MAP2K1: variants seen among roughly 807,000 people sequenced by gnomAD.
MAP2K1 encodes the protein mitogen-activated protein kinase kinase 1, also known as dual specificity mitogen-activated protein kinase kinase 1.
In MAP2K1, 16 loss-of-function variants were observed where a neutral mutation model predicts 46.3. The ratio of observed to expected loss-of-function variants is 0.35; its 90% CI spans 0.23 to 0.52. MAP2K1 has a LOEUF of 0.52. MAP2K1 is among the 20% of genes least tolerant of loss of function. The probability of loss-of-function intolerance (pLI) is 0.94; values close to 1 mark genes in which losing one functional copy is unlikely to be tolerated. For synonymous variants in MAP2K1, 183 were observed against 185.6 expected, an observed-to-expected ratio of 0.99 and a Z score of 0.11; for missense variants, 263 against 497.1, an observed-to-expected ratio of 0.53 and a Z score of 4.48.
At chr15:66,460,939 A>C (rs972938829) in intron 5 of MAP2K1, among the ~76,000 whole-genome samples, 3 of 152,096 alleles carry the variant, frequency 2.0e-5, no homozygotes, top group Non-Finnish European at 4.4e-5. Context: ...CCTGAGGCCC[A>C]TGGCCGTGCT....
chr15:66,431,802 G>C (rs1312511407), intron 1 of MAP2K1, among the ~76,000 whole-genome samples: 1 of 152,132 alleles, frequency 6.6e-6, no homozygotes, highest in Non-Finnish European at 1.5e-5. Flanking sequence ...CCATCACCTA[G>C]GTTTTAAGGC....
chr15:66,410,659 A>G (rs904380497), intron 1 of MAP2K1, among the ~76,000 whole-genome samples: 3 of 152,188 alleles, frequency 2.0e-5, no homozygotes, highest in Non-Finnish European at 4.4e-5. Context: ...CCAGTATTCT[A>G]CATTCTCTTG....
At chr15:66,485,904 T>G (rs187019681) in intron 7 of MAP2K1, among the ~76,000 whole-genome samples, 80 of 152,186 alleles carry the variant, frequency 5.3e-4, no homozygotes, top group Admixed American at 4.6e-3. Flanking sequence ...TTTTTTTGTT[T>G]TGTTTTGTTT....
Position 66,491,541 on chromosome 15 carries a change from G to C in MAP2K1, c.*926G>C. 5.3e-6 allele frequency: 1 copy of C among 188,744 alleles called. No homozygotes were observed. Among genetic ancestry groups the C allele is most frequent in the Non-Finnish European group, 1.1e-5 (1 of 90,008 alleles). The allele number at this position is 188,744 out of a possible 1,614,324, so 11.7% of individuals were successfully genotyped here. A position where few individuals can be genotyped will look rare whatever the true frequency, so the allele number is the denominator to read the frequency against. ...ATGAAATAAAAAAAAAAGGATGAAA[G>C]CTACTTTTGCTTTTGTGGTAAGCTT... On this transcript the variant is annotated 3_prime_UTR_variant, in exon 11 of 11. Coordinates refer to ENST00000307102, the MANE Select transcript of MAP2K1 (RefSeq NM_002755.4).
In MAP2K1 at chr15:66,421,093, T is replaced by C. The variant is rs923722964; in HGVS notation, c.81-13934T>C. On this transcript the variant is annotated intron_variant, in intron 1 of 10. Transcript: ENST00000307102. ...ACACATATATACACATACACACACA[T>C]ACACACACACACACACACACACACA... Among the ~76,000 whole-genome samples, 200 of 128,842 alleles carry C rather than the reference T, an allele frequency of 1.6e-3. 1 individual carries two copies. The highest frequency in any genetic ancestry group is 5.5e-3 in the African/African-American group (187 of 34,026). The allele number at this position is 128,842 out of a possible 152,430, so 84.5% of individuals were successfully genotyped here.
At chr15:66,430,094 G>A (rs2093471483) in intron 1 of MAP2K1, among the ~76,000 whole-genome samples, 1 of 152,148 alleles carries the variant, frequency 6.6e-6, no homozygotes, top group African/African-American at 2.4e-5. Flanking sequence ...CTCACAGATG[G>A]GTAAATAGGG....
At chr15:66,436,951 C>T (rs988917157) in intron 3 of MAP2K1, 59 bp downstream of exon 3, 1 of 1,594,240 alleles carries the variant, frequency 6.3e-7, no homozygotes, top group Non-Finnish European at 8.6e-7. Context: ...TGGCTCTGGC[C>T]TAATCTTTGG....
In MAP2K1 at chr15:66,481,747, C is replaced by G. The variant is rs375614631; in HGVS notation, c.569-8C>G. Reference sequence around the variant, plus strand: ...GTTCCCTCCTTTTCTATTTTCTCTTCCCTGCAGATGTCAAGCCCTCCAACA... The same window carrying G: ...GTTCCCTCCTTTTCTATTTTCTCTTGCCTGCAGATGTCAAGCCCTCCAACA... On this transcript the variant is annotated splice_region_variant and splice_polypyrimidine_tract_variant and intron_variant, in intron 5 of 10. Coordinates refer to ENST00000307102, the MANE Select transcript of MAP2K1 (RefSeq NM_002755.4). 1 of 1,611,780 alleles carries G rather than the reference C, an allele frequency of 6.2e-7. No homozygotes were observed. Among genetic ancestry groups the G allele is most frequent in the African/African-American group, 1.3e-5 (1 of 74,838 alleles).
chr15:66,393,182 C>T (rs2093360593), intron 1 of MAP2K1, among the ~76,000 whole-genome samples: 1 of 144,086 alleles, frequency 6.9e-6, no homozygotes, highest in East Asian at 2.0e-4. Flanking sequence ...TTCTCTCTCT[C>T]TTTTTTTTTT....
At chr15:66,466,676 T>G (rs990109725) in intron 5 of MAP2K1, among the ~76,000 whole-genome samples, 11 of 151,896 alleles carry the variant, frequency 7.2e-5, no homozygotes, top group African/African-American at 2.7e-4. Flanking sequence ...CGAGACTGCA[T>G]CTCAAAAAAA....
At chr15:66,487,815 G>A (rs1467629791) in intron 8 of MAP2K1, among the ~76,000 whole-genome samples, 2 of 152,048 alleles carry the variant, frequency 1.3e-5, no homozygotes, top group East Asian at 1.9e-4. Flanking sequence ...CTCTACTGCT[G>A]GGGACCTAGG....
chr15:66,395,391 C>T (rs2093365028), intron 1 of MAP2K1, among the ~76,000 whole-genome samples: 1 of 152,142 alleles, frequency 6.6e-6, no homozygotes, highest in Admixed American at 6.5e-5. Context: ...GTTGGCCCTG[C>T]CTTGCCTATC....
Position 66,387,128 on chromosome 15 carries a change from C to T in MAP2K1, c.-220C>T, listed in dbSNP as rs886051365. On this transcript the variant is annotated 5_prime_UTR_variant, in exon 1 of 11. Coordinates refer to ENST00000307102, the MANE Select transcript of MAP2K1 (RefSeq NM_002755.4). ...TGCAGGGCAGCCTTTCGGCTCTCTG[C>T]GCGCGAAGCCGAGTCCCGGGCGGGT... The T allele has an allele frequency of 1.4e-5, 6 of 430,486 alleles. No individual in the cohort carries two copies. Among genetic ancestry groups the T allele is most frequent in the Middle Eastern group, 6.0e-4 (1 of 1,674 alleles). The allele number at this position is 430,486 out of a possible 1,614,324, so 26.7% of individuals were successfully genotyped here. A position where few individuals can be genotyped will look rare whatever the true frequency, so the allele number is the denominator to read the frequency against.
intron 5 of MAP2K1, among the ~76,000 whole-genome samples, chr15:66,456,779 A>G (rs991059856): frequency 2.6e-5 from 4 of 152,202 alleles, no homozygotes; most frequent in African/African-American, 4.8e-5. Context: ...GGTACAACAG[A>G]TGGCGCCTCT....
At chr15:66,449,509 G>A (rs1891976936) in intron 5 of MAP2K1, among the ~76,000 whole-genome samples, 1 of 152,204 alleles carries the variant, frequency 6.6e-6, no homozygotes. Flanking sequence ...TGGAGTAATA[G>A]AAACACTAAA....
In MAP2K1 at chr15:66,460,842, G is replaced by A. The variant is rs556883319; in HGVS notation, c.568+16135G>A. Among the ~76,000 whole-genome samples the A allele has an allele frequency of 5.9e-5, 9 of 152,238 alleles. No individual in the cohort carries two copies. The South Asian group carries it at 1.9e-3, about 32-fold the overall frequency. On this transcript the variant is annotated intron_variant, in intron 5 of 10. Transcript: ENST00000307102. ...CAGATGGGAGAGAGATGGTGCAAAG[G>A]GCAGGGACTGGTGTGGGAAGATGGG...
chr15:66,466,081 T>C (rs1439551171), intron 5 of MAP2K1, among the ~76,000 whole-genome samples: 1 of 152,174 alleles, frequency 6.6e-6, no homozygotes, highest in Non-Finnish European at 1.5e-5. Flanking sequence ...CAGGCCAAGA[T>C]CCCTGTACAG....
intron 5 of MAP2K1, among the ~76,000 whole-genome samples, chr15:66,463,503 C>T (rs532134361): frequency 2.0e-3 from 5 of 2,506 alleles, no homozygotes; most frequent in African/African-American, 4.0e-3. Context: ...ATTTTTGAAA[C>T]GGAGTCTCAC....
intron 1 of MAP2K1, among the ~76,000 whole-genome samples, chr15:66,408,414 A>G (rs946078075): frequency 6.6e-6 from 1 of 152,232 alleles, no homozygotes; most frequent in Non-Finnish European, 1.5e-5. Flanking sequence ...GCCACACAGT[A>G]CATCCCAATA....
Sources: gnomAD v4.1 joint callset for allele counts (sites outside exome capture counted in the v4.1 genomes callset) on GRCh38, gnomAD v4.1.1 for gene constraint, MANE v1.5 for transcripts, NCBI Gene and HGNC (gene_info 2026-07-23, HGNC 2026-07-21) for gene names.